The following PDCD1LG2 variants were observed in gnomAD, a reference collection of about 807,000 sequenced individuals.
The protein encoded by PDCD1LG2 is programmed cell death 1 ligand 2.
PDCD1LG2 carries 32 observed loss-of-function variants against 28.2 expected under a neutral mutation model. That is an observed-to-expected ratio of 1.13 (90% CI 0.86 to 1.52). PDCD1LG2 has a LOEUF of 1.52. Ranked by LOEUF, PDCD1LG2 falls within the 40% of genes most tolerant of loss-of-function variation. The pLI is 0.00. For missense variants in PDCD1LG2, 385 were observed against 323.8 expected (o/e 1.19, Z -1.45); for synonymous variants, 116 against 120.2 (o/e 0.97, Z 0.23).
At chr9:5,522,643 G>A (rs764630274) in intron 2 of PDCD1LG2, 42 bp downstream of exon 2, 2 of 1,598,048 alleles carry the variant, frequency 1.3e-6, no homozygotes, top group Admixed American at 3.4e-5. Flanking sequence ...AGAAGAGCAG[G>A]TGGTGGTTCC....
At chr9:5,520,086 C>G (rs1286413172) in intron 1 of PDCD1LG2, among the ~76,000 whole-genome samples, 2 of 152,042 alleles carry the variant, frequency 1.3e-5, no homozygotes, top group African/African-American at 2.4e-5. Context: ...CAAGTTGACC[C>G]TAAAATTCAT....
intron 4 of PDCD1LG2, among the ~76,000 whole-genome samples, chr9:5,554,903 G>A (rs559895733): frequency 6.6e-6 from 1 of 152,172 alleles, no homozygotes; most frequent in Non-Finnish European, 1.5e-5. Flanking sequence ...AGTCTCTCAT[G>A]TGTAGCATGA....
chr9:5,519,234 T>C (rs1409646351), intron 1 of PDCD1LG2, among the ~76,000 whole-genome samples: 1 of 152,166 alleles, frequency 6.6e-6, no homozygotes, highest in African/African-American at 2.4e-5. Context: ...TACTTGGCCC[T>C]GGGGTGATTA....
chr9:5,533,294 A>G (rs1820517625), intron 2 of PDCD1LG2, among the ~76,000 whole-genome samples: 1 of 152,188 alleles, frequency 6.6e-6, no homozygotes, highest in Non-Finnish European at 1.5e-5. Context: ...TTCACACTTT[A>G]TTGATGTAAC....
intron 5 of PDCD1LG2, among the ~76,000 whole-genome samples, chr9:5,558,647 T>G (rs545133952): frequency 1.3e-5 from 2 of 152,382 alleles, no homozygotes; most frequent in South Asian, 4.1e-4. Flanking sequence ...CTTACATTTA[T>G]ACTCATAACT....
At chr9:5,544,183 C>G (rs1361266674) in intron 3 of PDCD1LG2, among the ~76,000 whole-genome samples, 1 of 152,192 alleles carries the variant, frequency 6.6e-6, no homozygotes, top group East Asian at 1.9e-4. Flanking sequence ...CTGTGGAAAT[C>G]TAAAGCTGAA....
intron 3 of PDCD1LG2, among the ~76,000 whole-genome samples, chr9:5,546,789 T>A (rs1007189316): frequency 6.6e-6 from 1 of 152,360 alleles, no homozygotes; most frequent in Non-Finnish European, 1.5e-5. Context: ...ATGTATTATA[T>A]GTATTATGTA....
At chr9:5,565,421 C>A (rs1034696416) in intron 6 of PDCD1LG2, among the ~76,000 whole-genome samples, 13 of 152,144 alleles carry the variant, frequency 8.5e-5, no homozygotes, top group Admixed American at 7.2e-4. Context: ...TCGGCTCAAG[C>A]AATCCTCCTG....
intron 2 of PDCD1LG2, among the ~76,000 whole-genome samples, chr9:5,527,493 T>C (rs1820402041): frequency 6.6e-6 from 1 of 152,272 alleles, no homozygotes; most frequent in African/African-American, 2.4e-5. Flanking sequence ...CAATAATTTA[T>C]ACCTGTTTGC....
intron 2 of PDCD1LG2, among the ~76,000 whole-genome samples, chr9:5,527,099 T>A (rs1820394074): frequency 6.6e-6 from 1 of 152,242 alleles, no homozygotes; most frequent in South Asian, 2.1e-4. Context: ...AAGTTTGAAG[T>A]GAAAAATTAG....
At position 5,570,454 on chromosome 9, in the gene PDCD1LG2, A is replaced by C. The variant is rs1047946604; in HGVS notation, c.*495A>C. ...CACAGACAGGGCTTCGCACAAACTCAAATCATAATTGACATGTTTTATGGA... is the reference window on the plus strand; with the variant it reads ...CACAGACAGGGCTTCGCACAAACTCCAATCATAATTGACATGTTTTATGGA... On this transcript the variant is annotated 3_prime_UTR_variant, in exon 7 of 7. Coordinates refer to ENST00000397747, the MANE Select transcript of PDCD1LG2 (RefSeq NM_025239.4). 1.7e-5 allele frequency: 4 copies of C among 234,440 alleles called. No individual in the cohort carries two copies. The highest frequency in any genetic ancestry group is 8.8e-5 in the African/African-American group (4 of 45,360). 14.5% of individuals were successfully genotyped at this position (234,440 alleles called of 1,614,324 possible).
At chr9:5,528,287 TAC>T (rs926364187) in intron 2 of PDCD1LG2, among the ~76,000 whole-genome samples, 8 of 147,374 alleles carry the variant, frequency 5.4e-5, no homozygotes, top group South Asian at 2.1e-4. Context: ...TATATATATA[TAC>T]ACACACACAC....
At chr9:5,528,481 A>G (rs1390786167) in intron 2 of PDCD1LG2, among the ~76,000 whole-genome samples, 1 of 148,972 alleles carries the variant, frequency 6.7e-6, no homozygotes, top group Non-Finnish European at 1.5e-5. Context: ...TTTTTTTTTA[A>G]TTTTGTAGAC....
intron 4 of PDCD1LG2, 121 bp from the exon 5 acceptor site, chr9:5,557,497 G>C (rs1816468195): frequency 1.5e-5 from 17 of 1,126,196 alleles, no homozygotes; most frequent in Admixed American, 3.8e-5. Flanking sequence ...AATAGGGCCT[G>C]GTGTGGAGTA....
chr9:5,528,653 A>C (rs904138168), intron 2 of PDCD1LG2, among the ~76,000 whole-genome samples: 1 of 152,076 alleles, frequency 6.6e-6, no homozygotes, highest in African/African-American at 2.4e-5. Flanking sequence ...GGTGACATTC[A>C]AATCATTTCA....
chr9:5,549,204 G>A, intron 3 of PDCD1LG2, 131 bp from the exon 4 acceptor site: 2 of 874,082 alleles, frequency 2.3e-6, no homozygotes, highest in Non-Finnish European at 3.5e-6. Flanking sequence ...TATACAATGT[G>A]TTTACAAATG....
chr9:5,532,271 C>T (rs1303790487), intron 2 of PDCD1LG2, among the ~76,000 whole-genome samples: 1 of 152,148 alleles, frequency 6.6e-6, no homozygotes, highest in African/African-American at 2.4e-5. Context: ...CACGTGAACT[C>T]CTCTCTGTAG....
chr9:5,521,871 T>A (rs1820281203), intron 1 of PDCD1LG2, among the ~76,000 whole-genome samples: 1 of 152,074 alleles, frequency 6.6e-6, no homozygotes, highest in African/African-American at 2.4e-5. Context: ...AGTCCATGGA[T>A]AAAGAAAGCT....
chr9:5,512,297 C>T (rs1030994871), intron 1 of PDCD1LG2, among the ~76,000 whole-genome samples: 1 of 152,216 alleles, frequency 6.6e-6, no homozygotes, highest in Non-Finnish European at 1.5e-5. Context: ...CAAATCAACT[C>T]ACAGAATTCC....
Sources: allele counts gnomAD v4.1 joint callset (sites outside exome capture counted in the v4.1 genomes callset), GRCh38; gene constraint gnomAD v4.1.1; transcripts MANE v1.5; gene names NCBI Gene and HGNC (gene_info 2026-07-23, HGNC 2026-07-21).